Variants in TRIM37 observed in about 807,000 individuals in gnomAD.
TRIM37 encodes the protein E3 ubiquitin-protein ligase TRIM37.
TRIM37 carries 80 observed loss-of-function variants against 129.8 expected under a neutral mutation model. That is an observed-to-expected ratio of 0.62 (90% CI 0.51 to 0.74). The LOEUF (loss-of-function observed/expected upper bound fraction) is 0.74, where lower values mean the gene tolerates loss of function less well. Among genes scored for constraint, TRIM37 ranks in the 30% least tolerant of loss-of-function variants. TRIM37 has a pLI of 0.00. For missense variants in TRIM37, 1,054 were observed against 1,176.5 expected (o/e 0.90, Z 1.52); for synonymous variants, 389 against 387.1 (o/e 1.00, Z -0.06).
chr17:59,010,126 C>G (rs969449970), intron 22 of TRIM37, among the ~76,000 whole-genome samples: 15 of 152,212 alleles, frequency 9.9e-5, no homozygotes, highest in African/African-American at 3.4e-4. Context: ...GTGGCCCACT[C>G]TGGCAAGTGA....
chr17:59,106,137 G>T (rs2045966163), intron 1 of TRIM37, among the ~76,000 whole-genome samples: 1 of 152,210 alleles, frequency 6.6e-6, no homozygotes, highest in East Asian at 1.9e-4. Context: ...TCCATCTGAT[G>T]AATCTGCAGT....
downstream of TRIM37, among the ~76,000 whole-genome samples, chr17:58,997,313 TA>T (rs890053225): frequency 4.6e-5 from 7 of 151,034 alleles, no homozygotes; most frequent in African/African-American, 7.3e-5. Flanking sequence ...AATTAAAAGC[TA>T]AAAAAAAAGA....
chr17:59,032,478 T>C (rs1487636185), intron 17 of TRIM37, among the ~76,000 whole-genome samples: 1 of 145,736 alleles, frequency 6.9e-6, no homozygotes, highest in Non-Finnish European at 1.5e-5. Context: ...TGAGCCGAGA[T>C]TGCGCCACTG....
intron 13 of TRIM37, 81 bp downstream of exon 13, chr17:59,056,794 A>C: frequency 7.6e-6 from 8 of 1,057,654 alleles, no homozygotes; most frequent in South Asian, 1.3e-5. Flanking sequence ...CATCTTTGTT[A>C]ACCAAATGAT....
chr17:58,972,084 G>GT, the TRIM37 span: 1 of 1,551,904 alleles, frequency 6.4e-7, no homozygotes, highest in African/African-American at 1.4e-5. Flanking sequence ...TAAGAATGTA[G>GT]TATCTATTTC....
chr17:59,055,002 A>G (rs1361041346), intron 13 of TRIM37, among the ~76,000 whole-genome samples: 1 of 151,954 alleles, frequency 6.6e-6, no homozygotes, highest in Non-Finnish European at 1.5e-5. Context: ...TTTACGTTCT[A>G]TCCTTTCTTG....
chr17:59,064,509 C>G (rs1284719964), intron 9 of TRIM37, 104 bp from the exon 10 acceptor site: 12 of 728,764 alleles, frequency 1.6e-5, no homozygotes, highest in Non-Finnish European at 2.8e-5. Context: ...CTTTATTAAA[C>G]TAAAATCTAA....
chr17:58,983,006 T>C (rs2031455676), intron 24 of TRIM37: 1 of 1,285,264 alleles, frequency 7.8e-7, no homozygotes, highest in African/African-American at 1.5e-5. Context: ...AAAAAGCTTT[T>C]TAAAATTTCT....
intron 16 of TRIM37, among the ~76,000 whole-genome samples, chr17:59,045,172 A>G (rs376009003): frequency 5.3e-5 from 8 of 152,102 alleles, no homozygotes; most frequent in African/African-American, 1.9e-4. Context: ...TAAAAATACA[A>G]AACAAAATTA....
the TRIM37 span, among the ~76,000 whole-genome samples, chr17:58,975,860 T>C: frequency 6.6e-6 from 1 of 152,252 alleles, no homozygotes; most frequent in African/African-American, 2.4e-5. Flanking sequence ...ATACAGTTTG[T>C]TACAGAGATG....
chr17:59,078,218 C>T (rs2042983853), intron 7 of TRIM37, among the ~76,000 whole-genome samples: 1 of 152,002 alleles, frequency 6.6e-6, no homozygotes, highest in Non-Finnish European at 1.5e-5. Flanking sequence ...GATAAACTAA[C>T]CCTGAAAATA....
At chr17:59,093,477 A>G (rs2044578479) in intron 2 of TRIM37, among the ~76,000 whole-genome samples, 1 of 152,302 alleles carries the variant, frequency 6.6e-6, no homozygotes, top group Non-Finnish European at 1.5e-5. Flanking sequence ...TCAGTTCATA[A>G]GTTGCTTTCT....
intron 8 of TRIM37, among the ~76,000 whole-genome samples, chr17:59,072,286 T>A (rs1215410728): frequency 6.6e-6 from 1 of 152,196 alleles, no homozygotes; most frequent in Non-Finnish European, 1.5e-5. Flanking sequence ...AAATTTCTAT[T>A]GTTTAAGTCT....
downstream of TRIM37, among the ~76,000 whole-genome samples, chr17:58,978,756 G>C (rs375236482): frequency 3.0e-3 from 459 of 152,174 alleles, 1 homozygote; most frequent in African/African-American, 0.01. Flanking sequence ...TAAGCTATTT[G>C]GTTACCTCAT....
At chr17:58,971,459 T>C in the TRIM37 span, among the ~76,000 whole-genome samples, 6 of 152,206 alleles carry the variant, frequency 3.9e-5, no homozygotes, top group African/African-American at 1.4e-4. Context: ...CCAAGAGCTT[T>C]AAGTACAGTC....
At chr17:59,076,679 C>A (rs1420660020) in intron 7 of TRIM37, among the ~76,000 whole-genome samples, 1 of 152,060 alleles carries the variant, frequency 6.6e-6, no homozygotes. Context: ...TCTTTGTAAA[C>A]CCAAAATTTG....
chr17:59,008,133 T>C (rs1265316690), intron 22 of TRIM37, among the ~76,000 whole-genome samples: 2 of 152,174 alleles, frequency 1.3e-5, no homozygotes, highest in African/African-American at 4.8e-5. Context: ...AGGGCTTCCT[T>C]TGTCTCCTGT....
At chr17:58,993,425 G>C (rs2032650598), downstream of TRIM37, among the ~76,000 whole-genome samples, 1 of 152,202 alleles carries the variant, frequency 6.6e-6, no homozygotes, top group African/African-American at 2.4e-5. Flanking sequence ...TGAATGAACA[G>C]TGGTATATCC....
chr17:58,983,840 A>G (rs948307289), intron 24 of TRIM37: 1 of 152,652 alleles, frequency 6.6e-6, no homozygotes, highest in East Asian at 1.9e-4. Flanking sequence ...AATAAATCCA[A>G]ACAAGAGTGT....
Sources: allele counts gnomAD v4.1 joint callset (sites outside exome capture counted in the v4.1 genomes callset), GRCh38; gene constraint gnomAD v4.1.1; transcripts MANE v1.5; gene names NCBI Gene and HGNC (gene_info 2026-07-23, HGNC 2026-07-21).